The following NTM variants were observed in gnomAD, a reference collection of about 807,000 sequenced individuals.
NTM encodes neurotrimin, also known as IgLON family member 2.
NTM carries 13 observed loss-of-function variants against 42.1 expected under a neutral mutation model. The observed-to-expected ratio is 0.31, with a 90% CI of 0.20 to 0.49. The LOEUF (loss-of-function observed/expected upper bound fraction) is 0.49, where lower values mean the gene tolerates loss of function less well. NTM is among the 20% of genes least tolerant of loss of function. The probability of loss-of-function intolerance (pLI) is 0.99; values close to 1 mark genes in which losing one functional copy is unlikely to be tolerated. For missense variants in NTM, 373 were observed against 452.8 expected, an observed-to-expected ratio of 0.82 and a Z score of 1.60; for synonymous variants, 187 against 179.2, an observed-to-expected ratio of 1.04 and a Z score of -0.35.
intron 1 of NTM, among the ~76,000 whole-genome samples, chr11:131,410,208 C>A (rs1187357089): frequency 6.6e-6 from 1 of 152,018 alleles, no homozygotes; most frequent in Non-Finnish European, 1.5e-5. Flanking sequence ...GGTGCAGAAG[C>A]CAGGTGTGGT....
At chr11:131,449,336 G>A (rs1260174357) in intron 1 of NTM, among the ~76,000 whole-genome samples, 2 of 152,174 alleles carry the variant, frequency 1.3e-5, no homozygotes. Flanking sequence ...ACAGGGGCAT[G>A]GAGGTGGGGG....
chr11:132,265,768 A>G (rs2093145234), intron 4 of NTM, among the ~76,000 whole-genome samples: 1 of 152,098 alleles, frequency 6.6e-6, no homozygotes, highest in African/African-American at 2.4e-5. Context: ...TTATGTATTA[A>G]CTCATTCATT....
At chr11:132,092,985 A>C (rs1436898616) in intron 2 of NTM, among the ~76,000 whole-genome samples, 2 of 152,182 alleles carry the variant, frequency 1.3e-5, no homozygotes, top group Non-Finnish European at 2.9e-5. Flanking sequence ...GCCCTGATCC[A>C]ATTCATTCTC....
chr11:131,578,752 T>C (rs2058145847), intron 1 of NTM, among the ~76,000 whole-genome samples: 1 of 152,202 alleles, frequency 6.6e-6, no homozygotes, highest in Non-Finnish European at 1.5e-5. Context: ...CATAGGGTGA[T>C]GGTGAGGATC....
intron 2 of NTM, among the ~76,000 whole-genome samples, chr11:131,926,180 A>G (rs1235171720): frequency 6.6e-6 from 1 of 152,090 alleles, no homozygotes; most frequent in East Asian, 1.9e-4. Context: ...TTCCTCGCTG[A>G]CGATGTTGTT....
intron 1 of NTM, among the ~76,000 whole-genome samples, chr11:131,728,179 C>A (rs2079183380): frequency 6.6e-6 from 1 of 152,200 alleles, no homozygotes; most frequent in Non-Finnish European, 1.5e-5. Flanking sequence ...CAATTTCATT[C>A]TGACCACCAT....
chr11:131,456,675 G>A lies in NTM; in HGVS notation c.82+85787G>A, dbSNP rs569833596. ...ATATCATGAATAATGTTAATTTGGA[G>A]CCAAAGAACCTCCTTGCCGATAGAG... On this transcript the variant is annotated intron_variant, in intron 1 of 8. Transcript: ENST00000683400. Among the ~76,000 whole-genome samples, 66 of 152,280 alleles carry A rather than the reference G, an allele frequency of 4.3e-4. 1 individual carries two copies. Among genetic ancestry groups the A allele is most frequent in the African/African-American group, 1.4e-3 (59 of 41,546 alleles).
At chr11:131,831,116 A>G (rs1554801) in intron 1 of NTM, among the ~76,000 whole-genome samples, 84,770 of 151,934 alleles carry the variant, frequency 0.56, 24,984 homozygotes, top group Admixed American at 0.67. Flanking sequence ...CAGCAAAGAA[A>G]GATAGTTTGA....
chr11:132,222,996 A>G (rs964269592), intron 4 of NTM, among the ~76,000 whole-genome samples: 1 of 152,240 alleles, frequency 6.6e-6, no homozygotes, highest in African/African-American at 2.4e-5. Context: ...TATCTGCAAG[A>G]TAGAAAAAGA....
At chr11:131,432,854 T>TTTTTTTTTTTTTTTTTG (rs1948783923) in intron 1 of NTM, among the ~76,000 whole-genome samples, 1 of 111,182 alleles carries the variant, frequency 9.0e-6, no homozygotes, top group African/African-American at 3.3e-5. Flanking sequence ...TTTTTTTTTT[T>TTTTTTTTTTTTTTTTTG]TTTTTTTTTT....
chr11:131,834,853 C>T (rs1406116001), intron 1 of NTM, among the ~76,000 whole-genome samples: 2 of 151,920 alleles, frequency 1.3e-5, no homozygotes, highest in East Asian at 3.9e-4. Flanking sequence ...GATATGTGGC[C>T]TAAAACATTT....
intron 1 of NTM, among the ~76,000 whole-genome samples, chr11:131,573,379 C>T (rs757478405): frequency 2.6e-5 from 4 of 152,150 alleles, no homozygotes; most frequent in Non-Finnish European, 4.4e-5. Flanking sequence ...AAGTGCCTCA[C>T]AGTAGAAAAC....
chr11:131,411,848 G>C (rs1463627063), intron 1 of NTM, among the ~76,000 whole-genome samples: 1 of 152,132 alleles, frequency 6.6e-6, no homozygotes, highest in East Asian at 1.9e-4. Context: ...GTTTGGAACA[G>C]AGCCCTAAGG....
chr11:131,872,522 C>T (rs1411232155), intron 1 of NTM, among the ~76,000 whole-genome samples: 2 of 152,184 alleles, frequency 1.3e-5, no homozygotes, highest in Non-Finnish European at 2.9e-5. Context: ...CAAACAGTTA[C>T]CTATCATTTT....
chr11:131,731,917 T>A (rs2079742712), intron 1 of NTM, among the ~76,000 whole-genome samples: 1 of 152,170 alleles, frequency 6.6e-6, no homozygotes, highest in African/African-American at 2.4e-5. Context: ...CCCCCAAGCC[T>A]CTATCTGTAC....
intron 1 of NTM, among the ~76,000 whole-genome samples, chr11:131,467,605 G>T (rs757102346): frequency 6.6e-6 from 1 of 152,230 alleles, no homozygotes; most frequent in African/African-American, 2.4e-5. Context: ...ATACCTGAGT[G>T]TTGGACTAAA....
At chr11:132,144,627 T>C (rs1208938662) in intron 2 of NTM, among the ~76,000 whole-genome samples, 5 of 152,176 alleles carry the variant, frequency 3.3e-5, no homozygotes, top group African/African-American at 1.2e-4. Flanking sequence ...ATCAGTAGAC[T>C]GGGGGTGAGA....
intron 1 of NTM, among the ~76,000 whole-genome samples, chr11:131,684,517 C>T (rs1379113353): frequency 4.6e-5 from 7 of 152,226 alleles, no homozygotes; most frequent in African/African-American, 1.7e-4. Context: ...GAGGAGCATG[C>T]CCTTGGACTG....
At chr11:132,134,705 G>GTGTGTGTATA (rs1277579004) in intron 2 of NTM, among the ~76,000 whole-genome samples, 1 of 75,966 alleles carries the variant, frequency 1.3e-5, no homozygotes, top group African/African-American at 3.6e-5. Context: ...GTATTCCATG[G>GTGTGTGTATA]TATATATATA....
Sources: gnomAD v4.1 joint callset for allele counts (sites outside exome capture counted in the v4.1 genomes callset) on GRCh38, gnomAD v4.1.1 for gene constraint, MANE v1.5 for transcripts, NCBI Gene and HGNC (gene_info 2026-07-23, HGNC 2026-07-21) for gene names.